Variants in CNTLN observed in about 807,000 individuals in gnomAD.
CNTLN encodes centlein, centrosomal protein.
In CNTLN, 212 loss-of-function variants were observed where a neutral mutation model predicts 180.0. That is an observed-to-expected ratio of 1.18 (90% CI 1.05 to 1.32). The LOEUF (loss-of-function observed/expected upper bound fraction) is 1.32. Ranked by LOEUF, CNTLN falls within the 40% of genes most tolerant of loss-of-function variation. The probability of loss-of-function intolerance (pLI) is 0.00; values close to 1 mark genes in which losing one functional copy is unlikely to be tolerated. For missense variants in CNTLN, 2,095 were observed against 1,610.9 expected (o/e 1.30, Z -5.14); for synonymous variants, 722 against 563.1 (o/e 1.28, Z -3.99).
chr9:17,223,033 C>A (rs1165768896), intron 2 of CNTLN, among the ~76,000 whole-genome samples: 1 of 152,024 alleles, frequency 6.6e-6, no homozygotes, highest in Non-Finnish European at 1.5e-5. Context: ...GTACTTGAAA[C>A]CATGGATAGC....
chr9:17,416,004 T>G lies in CNTLN; in HGVS notation c.2929T>G (p.Ser977Ala). The G allele has an allele frequency of 1.2e-6, 2 of 1,612,594 alleles. No individual in the cohort carries two copies. Among genetic ancestry groups the G allele is most frequent in the Non-Finnish European group, 1.7e-6 (2 of 1,179,520 alleles). The change falls in exon 18 of 26, where the codon TCA becomes GCA. Residue 977 changes from serine to alanine, a missense_variant. By Grantham distance (99) the Ser-to-Ala change is moderately conservative. Coordinates refer to ENST00000380647, the MANE Select transcript of CNTLN (RefSeq NM_017738.4). ...EKYKNITAQK[S>A]SSNIILLRER... is the part of the protein sequence containing the mutation. ...GTACAAAAATATAACTGCCCAGAAA[T>G]CAAGTAGCAATATTATTTTATTACG...
intron 18 of CNTLN, among the ~76,000 whole-genome samples, chr9:17,457,145 T>C (rs796492621): frequency 1.8e-4 from 27 of 152,280 alleles, no homozygotes; most frequent in African/African-American, 6.0e-4. Context: ...AGCTAACATC[T>C]GTTATCTTGT....
chr9:17,512,415 G>T, the CNTLN span, among the ~76,000 whole-genome samples: 2 of 152,158 alleles, frequency 1.3e-5, no homozygotes, highest in African/African-American at 4.8e-5. Flanking sequence ...AATTACTGCA[G>T]GAACAGAAAG....
At chr9:17,525,934 T>C in the CNTLN span, among the ~76,000 whole-genome samples, 1 of 152,318 alleles carries the variant, frequency 6.6e-6, no homozygotes, top group East Asian at 1.9e-4. Context: ...TATTTTTCTA[T>C]TTCTATTTTT....
chr9:17,363,814 T>G (rs745813000), intron 12 of CNTLN, among the ~76,000 whole-genome samples: 2 of 152,156 alleles, frequency 1.3e-5, no homozygotes, highest in Non-Finnish European at 2.9e-5. Flanking sequence ...TCTTTCTTCA[T>G]CACTGCTTAT....
rs552509365 is a variant in CNTLN at position 17,377,589 on chromosome 9, A to G, written c.1988-10573A>G. On this transcript the variant is annotated intron_variant, in intron 13 of 25. Coordinates refer to ENST00000380647, the MANE Select transcript of CNTLN (RefSeq NM_017738.4). ...AAAAAACAAAAAACAAAAAACAAGC[A>G]TTTTTTTCAAGAAGGAATGAAAGTA... 2.6e-5 allele frequency among the ~76,000 whole-genome samples: 4 copies of G among 152,196 alleles called. No individual in the cohort carries two copies. The South Asian group carries it at 6.2e-4, about 24-fold the overall frequency.
chr9:17,247,779 C>CTTT (rs572267371), intron 5 of CNTLN, among the ~76,000 whole-genome samples: 5,643 of 108,336 alleles, frequency 0.052, 153 homozygotes, highest in South Asian at 0.097. Context: ...AATACTTTTA[C>CTTT]TTTTTTTTTT....
chr9:17,482,542 T>C (rs1193373936), intron 23 of CNTLN, among the ~76,000 whole-genome samples: 1 of 152,130 alleles, frequency 6.6e-6, no homozygotes, highest in East Asian at 1.9e-4. Flanking sequence ...TGTAACATGA[T>C]TGAAATAAAA....
chr9:17,312,553 A>ATTTTTTTT (rs56915301), intron 8 of CNTLN, among the ~76,000 whole-genome samples: 39 of 100,380 alleles, frequency 3.9e-4, no homozygotes, highest in African/African-American at 1.2e-3. Flanking sequence ...AGCCCGGCTA[A>ATTTTTTTT]TTTTTTTTTT....
chr9:17,330,385 T>C (rs1820564018), intron 8 of CNTLN, among the ~76,000 whole-genome samples: 1 of 152,022 alleles, frequency 6.6e-6, no homozygotes, highest in Non-Finnish European at 1.5e-5. Flanking sequence ...TAAATTTTTT[T>C]CCTTGAAATC....
At chr9:17,472,211 C>A (rs1299416833) in intron 23 of CNTLN, among the ~76,000 whole-genome samples, 4 of 152,032 alleles carry the variant, frequency 2.6e-5, no homozygotes, top group African/African-American at 9.7e-5. Context: ...TTTAATGATA[C>A]TTACATGGTA....
chr9:17,313,672 G>GA (rs1819359014), intron 8 of CNTLN, among the ~76,000 whole-genome samples: 1 of 151,986 alleles, frequency 6.6e-6, no homozygotes, highest in South Asian at 2.1e-4. Flanking sequence ...AACCAAATTG[G>GA]AAAAAAATTT....
chr9:17,300,099 T>TA, intron 7 of CNTLN: 1 of 152,306 alleles, frequency 6.6e-6, no homozygotes, highest in East Asian at 1.9e-4. Context: ...TCTGAAGTGC[T>TA]TGGAACCTGA....
intron 5 of CNTLN, among the ~76,000 whole-genome samples, chr9:17,245,130 C>T (rs987573702): frequency 5.9e-5 from 9 of 152,048 alleles, no homozygotes; most frequent in African/African-American, 2.2e-4. Flanking sequence ...CTTATTATTG[C>T]CAGTGAGCTT....
intron 2 of CNTLN, among the ~76,000 whole-genome samples, chr9:17,223,385 C>G (rs928865933): frequency 1.3e-5 from 2 of 151,998 alleles, no homozygotes; most frequent in African/African-American, 4.8e-5. Context: ...TTTAATTCAA[C>G]TGCCTACTCC....
chr9:17,158,561 A>G (rs962542573), intron 2 of CNTLN, among the ~76,000 whole-genome samples: 1 of 151,924 alleles, frequency 6.6e-6, no homozygotes, highest in African/African-American at 2.4e-5. Flanking sequence ...TTTGCTTGTT[A>G]TAGGTTGATT....
At chr9:17,497,205 G>A (rs972186993) in intron 25 of CNTLN, among the ~76,000 whole-genome samples, 1 of 152,122 alleles carries the variant, frequency 6.6e-6, no homozygotes, top group African/African-American at 2.4e-5. Flanking sequence ...AAAGTGACTT[G>A]ATAGGAGTGG....
chr9:17,143,256 A>G, intron 1 of CNTLN, 32 bp from the exon 2 acceptor site: 2 of 1,463,384 alleles, frequency 1.4e-6, no homozygotes, highest in South Asian at 1.2e-5. Context: ...ACTACAAAGC[A>G]ATGCATCTAA....
chr9:17,470,067 A>G (rs1304855620), intron 23 of CNTLN, among the ~76,000 whole-genome samples: 1 of 151,900 alleles, frequency 6.6e-6, no homozygotes, highest in African/African-American at 2.4e-5. Flanking sequence ...CATTTATTAT[A>G]TGTACATTAA....
Sources: allele counts gnomAD v4.1 joint callset (sites outside exome capture counted in the v4.1 genomes callset), GRCh38; gene constraint gnomAD v4.1.1; transcripts MANE v1.5; gene names NCBI Gene and HGNC (gene_info 2026-07-23, HGNC 2026-07-21).